Variants in LAMA5 observed in about 807,000 individuals in gnomAD.
LAMA5 encodes the protein laminin subunit alpha 5.
Under a neutral mutation model 433.4 loss-of-function variants are expected in LAMA5, and 260 were observed. That is an observed-to-expected ratio of 0.60 (90% confidence interval 0.54 to 0.66). The LOEUF (loss-of-function observed/expected upper bound fraction) is 0.66, where lower values mean the gene tolerates loss of function less well. Ranked by LOEUF, LAMA5 falls within the 30% of genes least tolerant of loss-of-function variation. The pLI, the probability that LAMA5 is intolerant of heterozygous loss-of-function variation, is 0.00. For synonymous variants in LAMA5, 2,620 were observed against 2,226.6 expected (o/e 1.18, Z -4.97); for missense variants, 5,378 against 5,258.5 (o/e 1.02, Z -0.70).
In LAMA5 at chr20:62,353,047, C is replaced by T. The variant is rs79389707; in HGVS notation, c.568+87G>A. 5,819 of 954,802 alleles carry T rather than the reference C, an allele frequency of 6.1e-3. 219 individuals carry two copies. The African/African-American group carries it at 0.083, about 14-fold the overall frequency. The allele number at this position is 954,802 out of a possible 1,614,324, so 59.1% of individuals were successfully genotyped here. A position where few individuals can be genotyped will look rare whatever the true frequency, so the allele number is the denominator to read the frequency against. ...GGGTGTGAGGGCAGGGCTGGGTATT[C>T]GGAGACCTTCAGAAGCCTGGTCACG... On this transcript the variant is annotated intron_variant, in intron 3 of 79. Transcript: ENST00000252999.
intron 11 of LAMA5, among the ~76,000 whole-genome samples, chr20:62,340,476 T>A (rs1015123044): frequency 6.6e-6 from 1 of 151,364 alleles, no homozygotes; most frequent in Non-Finnish European, 1.5e-5. Context: ...CATGCACAGC[T>A]TATTTTGTAT....
In LAMA5 at chr20:62,359,722, G is replaced by A. The variant is rs78530429; in HGVS notation, c.450+2678C>T. Among the ~76,000 whole-genome samples the A allele has an allele frequency of 6.6e-4, 101 of 152,062 alleles. No homozygotes were observed. In the East Asian group the frequency reaches 0.016, roughly 24 times the overall value. On this transcript the variant is annotated intron_variant, in intron 2 of 79. Coordinates refer to ENST00000252999, the MANE Select transcript of LAMA5 (RefSeq NM_005560.6). The surrounding 1 kb of genome is among the most constrained non-coding windows in gnomAD (Gnocchi z 4.3). ...AGAGAGAACCCCTCCACGGCTGGGC[G>A]CAGCGGGACCCAGGCCAGGAGCCCA...
rs41310839 is a variant in LAMA5 at position 62,314,736 on chromosome 20, C to T, written c.8197-11G>A. 0.02 allele frequency: 31,748 copies of T among 1,612,268 alleles called. 368 individuals carry two copies. Among genetic ancestry groups the T allele is most frequent in the Non-Finnish European group, 0.023 (27,052 of 1,179,656 alleles). ...CATGGGCACCTTGACCTGCGGGGCA[C>T]GGTCCATCAGCGTCCACCACCACCC... On this transcript the variant is annotated splice_polypyrimidine_tract_variant and intron_variant, in intron 60 of 79. Coordinates refer to ENST00000252999, the MANE Select transcript of LAMA5 (RefSeq NM_005560.6).
chr20:62,359,401 G>A lies in LAMA5; in HGVS notation c.450+2999C>T, dbSNP rs1195027096. The stretch of plus-strand genomic sequence containing the variant: ...GGCCTGGACCCTGCGGCAGAGCCAG[G>A]GGGTGGGGGAGCTCAAGCCAGGACC... On this transcript the variant is annotated intron_variant, in intron 2 of 79. Transcript: ENST00000252999. This position sits in a 1 kb window ranked among gnomAD's most constrained non-coding sequence, Gnocchi z 4.3. 6.6e-6 allele frequency among the ~76,000 whole-genome samples: 1 copy of A among 152,154 alleles called. No individual in the cohort carries two copies. The highest frequency in any genetic ancestry group is 1.5e-5 in the Non-Finnish European group (1 of 68,002).
rs762065876 is a variant in LAMA5 at position 62,310,288 on chromosome 20, C to T, written c.10624G>A (p.Asp3542Asn). The T allele has an allele frequency of 4.3e-6, 7 of 1,609,730 alleles. No homozygotes were observed. In the East Asian group the frequency reaches 6.7e-5, roughly 15 times the overall value. Reference sequence around the variant, plus strand: ...CGCACCTCCAGTTCCAGGCCCACATCAGGCAGTGTAGCTCCTGGGAGGTCT... The same window carrying T: ...CGCACCTCCAGTTCCAGGCCCACATTAGGCAGTGTAGCTCCTGGGAGGTCT... ...TLDLPGATLP[D>N]VGLELEVRPL... Residue 3542 changes from aspartate (D) to asparagine (N), a missense_variant, in exon 77 of 80, where the codon GAT becomes AAT. By Grantham distance (23) the Asp-to-Asn change is conservative. Coordinates refer to ENST00000252999, the MANE Select transcript of LAMA5 (RefSeq NM_005560.6).
chr20:62,351,716 G>C lies in LAMA5; in HGVS notation c.944C>G (p.Thr315Arg). Residue 315 changes from threonine to arginine, a missense_variant, in exon 6 of 80, where the codon ACG becomes AGG. Coordinates refer to ENST00000252999, the MANE Select transcript of LAMA5 (RefSeq NM_005560.6). ...HADACDAKDP[T>R]DPFRLQCTCQ... ...AATGGGGCCTCACCTGAACGGGTCC[G>C]TGGGGTCTTTGGCATCGCAGGCATC... The C allele has an allele frequency of 6.2e-7, 1 of 1,611,648 alleles. No individual in the cohort carries two copies. Among genetic ancestry groups the C allele is most frequent in the African/African-American group, 1.3e-5 (1 of 75,044 alleles).
rs780416586 is a variant in LAMA5 at position 62,346,063 on chromosome 20, C to G, written c.1417+18G>C. 167 of 1,612,662 alleles carry G rather than the reference C, an allele frequency of 1.0e-4. 2 individuals are homozygous for G. The South Asian group carries it at 1.7e-3, about 16-fold the overall frequency. On this transcript the variant is annotated intron_variant, in intron 10 of 79. Coordinates refer to ENST00000252999, the MANE Select transcript of LAMA5 (RefSeq NM_005560.6). ...GCAGGCAGTGGTGTCTGTTTGGATG[C>G]CCCTGGCAGGTGCTCACGGTAGCAG... is the stretch of plus-strand genomic sequence containing the variant.
At chr20:62,338,173 C>T (rs769000739) in intron 13 of LAMA5, 23 bp from the exon 14 acceptor site, 101 of 1,568,962 alleles carry the variant, frequency 6.4e-5, no homozygotes, top group South Asian at 3.6e-4. Context: ...GCGGGTGTCA[C>T]GGTAGGCCAG....
intron 2 of LAMA5, among the ~76,000 whole-genome samples, chr20:62,356,966 C>G (rs1335041557): frequency 6.6e-6 from 1 of 152,196 alleles, no homozygotes; most frequent in Non-Finnish European, 1.5e-5. Context: ...TGAGTAGGTG[C>G]TAGGGTCTGG....
intron 33 of LAMA5, 40 bp downstream of exon 33, chr20:62,329,098 C>G: frequency 1.2e-6 from 2 of 1,611,710 alleles, no homozygotes. Context: ...CCGGCCCAGA[C>G]CCCCACCCCG....
At position 62,336,323 on chromosome 20, in the gene LAMA5, C is replaced by A; in HGVS notation, c.2323+17G>T. On this transcript the variant is annotated intron_variant, in intron 18 of 79. Transcript: ENST00000252999. ...CCCAAGGAACCCCTGTACCCCAATA[C>A]TCCAGGGCACACTCACGGGTACAGC... The A allele has an allele frequency of 1.9e-6, 3 of 1,565,982 alleles. No homozygotes were observed. The highest frequency in any genetic ancestry group is 2.6e-6 in the Non-Finnish European group (3 of 1,145,352).
intron 2 of LAMA5, among the ~76,000 whole-genome samples, chr20:62,361,621 G>A (rs1031164888): frequency 3.9e-5 from 6 of 152,334 alleles, no homozygotes; most frequent in African/African-American, 1.4e-4. Flanking sequence ...CAGGCCTCTG[G>A]GTCAGCCCTG....
rs1434692350 is a variant in LAMA5, at chr20:62,367,296, G to A, written c.-51C>T. On this transcript the variant is annotated 5_prime_UTR_variant, in exon 1 of 80. Coordinates refer to ENST00000252999, the MANE Select transcript of LAMA5 (RefSeq NM_005560.6). ...GAGCTCCAGGGACAGCGCGCGCGGC[G>A]GGAGCCCGGCGGGTCTGAAGCCAGG... The A allele has an allele frequency of 1.8e-6, 2 of 1,126,510 alleles. No individual in the cohort carries two copies. Among genetic ancestry groups the A allele is most frequent in the Non-Finnish European group, 2.2e-6 (2 of 920,122 alleles). 69.8% of individuals were successfully genotyped at this position (1,126,510 alleles called of 1,614,324 possible).
chr20:62,355,637 C>G (rs979643520), intron 2 of LAMA5, among the ~76,000 whole-genome samples: 1 of 152,120 alleles, frequency 6.6e-6, no homozygotes. Flanking sequence ...CTGAGGTCAT[C>G]GTCTACCTCC....
rs41310831 is a variant in LAMA5 at position 62,310,063 on chromosome 20, C to A, written c.10753G>T (p.Asp3585Tyr). The change falls in exon 78 of 80, where the codon GAC becomes TAC. Residue 3585 changes from aspartate (D) to tyrosine (Y), a missense_variant. Physicochemically the swap from Asp to Tyr is radical, Grantham distance 160 (BLOSUM62 -3). Transcript: ENST00000252999. ...GACGTGGAGAACTCCCCTGCTCCGT[C>A]ATCCGCCCGCAGCAGGACCTGGCGG... is the stretch of plus-strand genomic sequence containing the variant. ...TEKQVLLRADDGAGEFSTSVT... is the reference protein window; with the variant it reads ...TEKQVLLRADYGAGEFSTSVT... 3,137 of 1,611,250 alleles carry A rather than the reference C, an allele frequency of 1.9e-3. 7 individuals are homozygous for A. Among genetic ancestry groups the A allele is most frequent in the Non-Finnish European group, 2.3e-3 (2,763 of 1,179,708 alleles).
At chr20:62,310,389 C>G in intron 76 of LAMA5, 30 bp downstream of exon 76, 1 of 1,579,290 alleles carries the variant, frequency 6.3e-7, no homozygotes, top group South Asian at 1.2e-5. Flanking sequence ...CCCTGCCCTG[C>G]TGAGGCCTGG....
At chr20:62,362,873 G>T (rs1274008453) in intron 1 of LAMA5, among the ~76,000 whole-genome samples, 1 of 151,922 alleles carries the variant, frequency 6.6e-6, no homozygotes, top group African/African-American at 2.4e-5. Flanking sequence ...CGTGGTAAGG[G>T]GGGGGGTGTG....
chr20:62,319,678 C>T lies in LAMA5; in HGVS notation c.6871+6G>A. ...GAGCCCTGAGCCTGGCTGGGCTGGC[C>T]CCTACCGCTCAGGGTGCGGTCCACA... On this transcript the variant is annotated splice_donor_region_variant and intron_variant, in intron 51 of 79. Coordinates refer to ENST00000252999, the MANE Select transcript of LAMA5 (RefSeq NM_005560.6). 1 of 1,534,012 alleles carries T rather than the reference C, an allele frequency of 6.5e-7. No homozygotes were observed. The highest frequency in any genetic ancestry group is 8.8e-7 in the Non-Finnish European group (1 of 1,140,324).
Position 62,324,408 on chromosome 20 carries a change from G to T in LAMA5, c.5643+33C>A. ...ACACTTGACTGTGCCTTCAGTGAAT[G>T]CTGCCCCCCTGGCCCCACCAGCCCC... On this transcript the variant is annotated intron_variant, in intron 42 of 79. Coordinates refer to ENST00000252999, the MANE Select transcript of LAMA5 (RefSeq NM_005560.6). This position sits in a 1 kb window ranked among gnomAD's most constrained non-coding sequence, Gnocchi z 4.4. 6.5e-7 allele frequency: 1 copy of T among 1,543,340 alleles called. No individual in the cohort carries two copies. Among genetic ancestry groups the T allele is most frequent in the Non-Finnish European group, 8.9e-7 (1 of 1,123,094 alleles).
Sources: allele counts gnomAD v4.1 joint callset (sites outside exome capture counted in the v4.1 genomes callset), GRCh38; gene constraint gnomAD v4.1.1; non-coding constraint Gnocchi (gnomAD v3.1); transcripts MANE v1.5; gene names NCBI Gene and HGNC (gene_info 2026-07-23, HGNC 2026-07-21).